Variants in KHDRBS2 observed in about 807,000 individuals in gnomAD.
KHDRBS2 encodes KH domain-containing, RNA-binding, signal transduction-associated protein 2.
KHDRBS2 carries 26 observed loss-of-function variants against 44.3 expected under a neutral mutation model. That is an observed-to-expected ratio of 0.59 (90% CI 0.43 to 0.81). The LOEUF is 0.81. Ranked by LOEUF, KHDRBS2 falls within the 40% of genes least tolerant of loss-of-function variation. KHDRBS2 has a pLI of 0.00. For missense variants in KHDRBS2, 476 were observed against 433.1 expected (o/e 1.10, Z -0.88); for synonymous variants, 194 against 151.1 (o/e 1.28, Z -2.08).
intron 3 of KHDRBS2, among the ~76,000 whole-genome samples, chr6:61,993,547 T>C (rs1379826977): frequency 6.6e-6 from 1 of 150,796 alleles, no homozygotes; most frequent in Non-Finnish European, 1.5e-5. Context: ...AAAAGCCAGC[T>C]TGCCTACAGC....
At chr6:62,245,551 CCAAA>C (rs1400919310) in intron 1 of KHDRBS2, among the ~76,000 whole-genome samples, 1 of 151,850 alleles carries the variant, frequency 6.6e-6, no homozygotes, top group Non-Finnish European at 1.5e-5. Flanking sequence ...CAGGATCATC[CCAAA>C]CAATGTTTAT....
At chr6:61,684,064 C>G (rs1766576688) in intron 8 of KHDRBS2, among the ~76,000 whole-genome samples, 1 of 151,902 alleles carries the variant, frequency 6.6e-6, no homozygotes, top group Non-Finnish European at 1.5e-5. Context: ...TTGTGTCCAT[C>G]TTTATCTTTC....
At chr6:62,151,126 G>T (rs1815082629) in intron 2 of KHDRBS2, among the ~76,000 whole-genome samples, 1 of 152,124 alleles carries the variant, frequency 6.6e-6, no homozygotes, top group Non-Finnish European at 1.5e-5. Context: ...TTCTGGCTTA[G>T]CCATGTACTA....
chr6:61,547,425 G>A, the KHDRBS2 span, among the ~76,000 whole-genome samples: 13 of 152,044 alleles, frequency 8.6e-5, 1 homozygote, highest in African/African-American at 3.1e-4. Context: ...AAGGCAGGTT[G>A]AAAACAAACA....
intron 4 of KHDRBS2, among the ~76,000 whole-genome samples, chr6:61,909,824 T>C (rs1368694954): frequency 6.6e-6 from 1 of 152,208 alleles, no homozygotes; most frequent in African/African-American, 2.4e-5. Context: ...ATGACAGGTG[T>C]AGACAGGCTA....
At chr6:61,581,628 C>T in the KHDRBS2 span, among the ~76,000 whole-genome samples, 1 of 147,584 alleles carries the variant, frequency 6.8e-6, no homozygotes, top group African/African-American at 2.5e-5. Flanking sequence ...ATACAATATA[C>T]ATTATATTTA....
intron 1 of KHDRBS2, among the ~76,000 whole-genome samples, chr6:62,251,254 T>C (rs1312573743): frequency 6.6e-6 from 1 of 151,822 alleles, no homozygotes. Context: ...CAGCAAATGA[T>C]TAAAGTCATG....
chr6:62,263,230 C>T (rs977882680), intron 1 of KHDRBS2, among the ~76,000 whole-genome samples: 12 of 151,642 alleles, frequency 7.9e-5, no homozygotes, highest in African/African-American at 2.9e-4. Context: ...ATACCACTTA[C>T]TTTCTAATTT....
downstream of KHDRBS2, among the ~76,000 whole-genome samples, chr6:61,675,852 T>C (rs185195902): frequency 6.6e-6 from 1 of 151,836 alleles, no homozygotes; most frequent in Non-Finnish European, 1.5e-5. Flanking sequence ...TATGGGATCA[T>C]CTAACCAAGA....
intron 4 of KHDRBS2, among the ~76,000 whole-genome samples, chr6:61,937,756 G>A (rs1811301633): frequency 6.6e-6 from 1 of 152,004 alleles, no homozygotes; most frequent in African/African-American, 2.4e-5. Flanking sequence ...GATACAAGAA[G>A]CCTATGGTCT....
At chr6:62,199,804 T>C (rs1826531728) in intron 1 of KHDRBS2, among the ~76,000 whole-genome samples, 1 of 152,186 alleles carries the variant, frequency 6.6e-6, no homozygotes, top group African/African-American at 2.4e-5. Flanking sequence ...AGAAGAAAGA[T>C]GGAGGCATCA....
At chr6:61,772,051 A>G (rs1174338538) in intron 6 of KHDRBS2, among the ~76,000 whole-genome samples, 4 of 152,212 alleles carry the variant, frequency 2.6e-5, no homozygotes, top group African/African-American at 9.6e-5. Flanking sequence ...TGGAAACTGA[A>G]CAACCTGCTC....
chr6:62,062,325 A>C (rs974234725), intron 2 of KHDRBS2, among the ~76,000 whole-genome samples: 1 of 142,750 alleles, frequency 7.0e-6, no homozygotes, highest in Non-Finnish European at 1.5e-5. Context: ...CAGAATATAC[A>C]TTTTTTTCAG....
At chr6:61,558,924 A>G in the KHDRBS2 span, among the ~76,000 whole-genome samples, 2 of 152,094 alleles carry the variant, frequency 1.3e-5, no homozygotes, top group African/African-American at 4.8e-5. Flanking sequence ...GTAAATATCT[A>G]TTAGGTCCAT....
the KHDRBS2 span, among the ~76,000 whole-genome samples, chr6:61,547,046 G>A: frequency 6.6e-6 from 1 of 151,882 alleles, no homozygotes; most frequent in Non-Finnish European, 1.5e-5. Context: ...CTCAGATTAG[G>A]GCAATTTAGA....
intron 1 of KHDRBS2, among the ~76,000 whole-genome samples, chr6:62,277,840 G>C (rs1054143551): frequency 6.6e-6 from 1 of 152,150 alleles, no homozygotes; most frequent in African/African-American, 2.4e-5. Context: ...TCAAATGGAG[G>C]ATGTGCTAAA....
intron 4 of KHDRBS2, among the ~76,000 whole-genome samples, chr6:61,922,616 C>T (rs1435958045): frequency 6.6e-6 from 1 of 151,950 alleles, no homozygotes. Context: ...TGGAGGAGGA[C>T]CAACTAGACT....
intron 1 of KHDRBS2, among the ~76,000 whole-genome samples, chr6:62,269,189 G>T (rs1465522925): frequency 6.6e-6 from 1 of 151,934 alleles, no homozygotes. Context: ...CCTTGATATA[G>T]GCAAAGATTT....
the KHDRBS2 span, among the ~76,000 whole-genome samples, chr6:61,596,772 C>T: frequency 6.6e-6 from 1 of 152,140 alleles, no homozygotes; most frequent in Non-Finnish European, 1.5e-5. Flanking sequence ...CTGCCTCAGC[C>T]TCCTGAGTAG....
Sources: allele counts gnomAD v4.1 joint callset (sites outside exome capture counted in the v4.1 genomes callset), GRCh38; gene constraint gnomAD v4.1.1; transcripts MANE v1.5; gene names NCBI Gene and HGNC (gene_info 2026-07-23, HGNC 2026-07-21).